NBPF15: variants seen among roughly 807,000 people sequenced by gnomAD.
The protein encoded by NBPF15 is NBPF member 15.
A neutral mutation model predicts 62.2 loss-of-function variants in NBPF15; 74 were observed. The observed-to-expected ratio is 1.19, with a 90% CI of 0.99 to 1.44. The LOEUF is 1.44. Among genes scored for constraint, NBPF15 ranks in the 40% most tolerant of loss-of-function variants. The pLI is 0.00. For synonymous variants in NBPF15, 244 were observed against 209.7 expected, an observed-to-expected ratio of 1.16 and a Z score of -1.41; for missense variants, 790 against 550.0, an observed-to-expected ratio of 1.44 and a Z score of -4.36.
Position 144,422,958 on chromosome 1 carries a change from C to G in NBPF15, c.*55G>C, listed in dbSNP as rs1301813159. ...AACTGTACTTTCATTCAAATCTTCT[C>G]GTGCCTATAGGTCCTGCCTGCAGGA... is the stretch of plus-strand genomic sequence containing the variant. On this transcript the variant is annotated 3_prime_UTR_variant, in exon 22 of 22. Transcript: ENST00000581897. The G allele has an allele frequency of 1.2e-6, 2 of 1,611,566 alleles. No homozygotes were observed. The highest frequency in any genetic ancestry group is 1.7e-6 in the Non-Finnish European group (2 of 1,179,590).
chr1:144,429,199 G>T (rs1451795099), intron 14 of NBPF15, among the ~76,000 whole-genome samples: 3 of 151,124 alleles, frequency 2.0e-5, no homozygotes, highest in African/African-American at 7.4e-5. Context: ...GCTAAAACAA[G>T]CGCACTTAGA....
At chr1:144,444,313 T>C (rs1571146425) in intron 6 of NBPF15, among the ~76,000 whole-genome samples, 1 of 148,486 alleles carries the variant, frequency 6.7e-6, no homozygotes, top group Admixed American at 6.6e-5. Context: ...AAGGCTGGAA[T>C]GTAACAAAAG....
chr1:144,429,099 C>G (rs1672259476), intron 14 of NBPF15, among the ~76,000 whole-genome samples: 1 of 151,850 alleles, frequency 6.6e-6, no homozygotes, highest in African/African-American at 2.4e-5. Context: ...AAACTTGGTT[C>G]TACACAGAAG....
At chr1:144,441,120 T>A (rs1251301315) in intron 6 of NBPF15, among the ~76,000 whole-genome samples, 3 of 152,036 alleles carry the variant, frequency 2.0e-5, no homozygotes, top group African/African-American at 7.2e-5. Flanking sequence ...ACAGGTTTAC[T>A]TGGTAACTAC....
chr1:144,422,893 C>T lies in NBPF15; in HGVS notation c.*120G>A. The T allele has an allele frequency of 3.1e-6, 5 of 1,604,684 alleles. No individual in the cohort carries two copies. The African/African-American group carries it at 4.0e-5, about 13-fold the overall frequency. ...CATGGTTTGAGAATAGGAATAGAGC[C>T]ATGCTCACTGACCCATCCTATGTCT... On this transcript the variant is annotated 3_prime_UTR_variant, in exon 22 of 22. Transcript: ENST00000581897.
At position 144,436,377 on chromosome 1, in the gene NBPF15, C is replaced by T. The variant is rs1488495699; in HGVS notation, c.493+518G>A. 1.9e-4 allele frequency among the ~76,000 whole-genome samples: 29 copies of T among 151,972 alleles called. 1 individual carries two copies. The highest frequency in any genetic ancestry group is 1.6e-3 in the Admixed American group (24 of 15,258). On this transcript the variant is annotated intron_variant, in intron 10 of 21. Transcript: ENST00000581897. Reference sequence around the variant, plus strand: ...CCACAAAACGCCCCCACATAAAGTGCCTTCTCCAACATCACACGGTGAGGG... The same window carrying T: ...CCACAAAACGCCCCCACATAAAGTGTCTTCTCCAACATCACACGGTGAGGG...
At chr1:144,456,255 G>C (rs1165284746) in intron 4 of NBPF15, among the ~76,000 whole-genome samples, 2 of 151,776 alleles carry the variant, frequency 1.3e-5, no homozygotes, top group Non-Finnish European at 2.9e-5. Flanking sequence ...GGAAGAGCAA[G>C]GAGTGGGATG....
rs2101474482 is a variant in NBPF15, at chr1:144,423,083, T to C, written c.1943A>G (p.Asn648Ser). 6.2e-7 allele frequency: 1 copy of C among 1,611,616 alleles called. No homozygotes were observed. The highest frequency in any genetic ancestry group is 2.2e-5 in the East Asian group (1 of 44,866). ...EHISFALYVD[N>S]RFFTLTVTSL... ...TGTCACCGTCAAAGTAAAAAACCTATTGTCCACGTAAAGGGCGAAGCTGAT... is the reference window on the plus strand; with the variant it reads ...TGTCACCGTCAAAGTAAAAAACCTACTGTCCACGTAAAGGGCGAAGCTGAT... The change falls in exon 22 of 22, where the codon AAT (asparagine) becomes AGT (serine). Residue 648 changes from asparagine (N) to serine (S), a missense_variant. Transcript: ENST00000581897.
At chr1:144,441,806 A>G (rs1370749549) in intron 6 of NBPF15, among the ~76,000 whole-genome samples, 1 of 151,206 alleles carries the variant, frequency 6.6e-6, no homozygotes, top group Non-Finnish European at 1.5e-5. Context: ...AGTGGTTAAT[A>G]TTAACTTTTT....
chr1:144,459,334 T>C (rs1334159210), intron 3 of NBPF15, 32 bp downstream of exon 3: 2 of 151,798 alleles, frequency 1.3e-5, no homozygotes, highest in Non-Finnish European at 2.9e-5. Flanking sequence ...CTACTAAAAA[T>C]ACAGAAAAGA....
intron 17 of NBPF15, 126 bp downstream of exon 17, chr1:144,426,921 G>A (rs1465338290): frequency 1.1e-4 from 65 of 586,722 alleles, no homozygotes; most frequent in Non-Finnish European, 1.5e-4. Context: ...AAAACCAACA[G>A]CAATGTCAGG....
chr1:144,440,201 G>A lies in NBPF15; in HGVS notation c.-96C>T, dbSNP rs1266868090. On this transcript the variant is annotated 5_prime_UTR_variant, in exon 7 of 22. Transcript: ENST00000581897. ...TAGGATCCTTCACCACAAAAACAAG[G>A]TTCGAGGTGCCTCAACTCAGAGCTG... The A allele has an allele frequency of 1.3e-6, 2 of 1,529,446 alleles. No individual in the cohort carries two copies. The highest frequency in any genetic ancestry group is 1.8e-6 in the Non-Finnish European group (2 of 1,135,044). The allele number at this position is 1,529,446 out of a possible 1,614,324, so 94.7% of individuals were successfully genotyped here. A position where few individuals can be genotyped will look rare whatever the true frequency, so the allele number is the denominator to read the frequency against.
At chr1:144,426,542 T>A (rs1669784944) in intron 17 of NBPF15, 92 bp from the exon 18 acceptor site, 1 of 750,218 alleles carries the variant, frequency 1.3e-6, no homozygotes, top group African/African-American at 1.7e-5. Context: ...AAGGAACTGT[T>A]TAAAAAGAAA....
intron 8 of NBPF15, among the ~76,000 whole-genome samples, chr1:144,438,731 C>G (rs1278031221): frequency 6.6e-6 from 1 of 151,820 alleles, no homozygotes; most frequent in African/African-American, 2.4e-5. Context: ...TTCACTGCAG[C>G]AATTTACAGA....
chr1:144,438,273 G>C (rs1460628761), intron 8 of NBPF15, among the ~76,000 whole-genome samples: 1 of 150,476 alleles, frequency 6.6e-6, no homozygotes, highest in Non-Finnish European at 1.5e-5. Context: ...CATCAAGGAA[G>C]TTGACAAGAT....
intron 15 of NBPF15, 125 bp from the exon 16 acceptor site, chr1:144,428,115 T>C: frequency 1.5e-6 from 1 of 680,132 alleles, no homozygotes; most frequent in South Asian, 1.7e-5. Context: ...ATTAATGAGG[T>C]AACAAATTAT....
At chr1:144,428,094 A>T in intron 15 of NBPF15, 104 bp from the exon 16 acceptor site, 1 of 729,912 alleles carries the variant, frequency 1.4e-6, no homozygotes, top group Admixed American at 2.0e-5. Flanking sequence ...GAAAAGAAAA[A>T]GGACAGATCC....
rs1257397519 is a variant in NBPF15, at chr1:144,423,261, A to T, written c.1770-5T>A. The T allele has an allele frequency of 4.3e-6, 7 of 1,611,438 alleles. No homozygotes were observed. The highest frequency in any genetic ancestry group is 1.1e-5 in the South Asian group (1 of 90,968). On this transcript the variant is annotated splice_region_variant and splice_polypyrimidine_tract_variant and intron_variant, in intron 21 of 21. Transcript: ENST00000581897. ...TCCATCAGCACGCCGTAGAGCCTGG[A>T]AAAGGAGACAAAACTAAAGAAGCAG... is the stretch of plus-strand genomic sequence containing the variant.
At chr1:144,438,495 A>G (rs2102155301) in intron 8 of NBPF15, among the ~76,000 whole-genome samples, 1 of 152,126 alleles carries the variant, frequency 6.6e-6, no homozygotes, top group Non-Finnish European at 1.5e-5. Flanking sequence ...TATGTGAAAG[A>G]TTTTTAAAAT....
Sources: gnomAD v4.1 joint callset for allele counts (sites outside exome capture counted in the v4.1 genomes callset) on GRCh38, gnomAD v4.1.1 for gene constraint, MANE v1.5 for transcripts, NCBI Gene and HGNC (gene_info 2026-07-23, HGNC 2026-07-21) for gene names.